Variants in ABCG8 observed in about 807,000 individuals in gnomAD.
The protein encoded by ABCG8 is ATP-binding cassette sub-family G member 8.
A neutral mutation model predicts 71.3 loss-of-function variants in ABCG8; 81 were observed. That is an observed-to-expected ratio of 1.14 (90% CI 0.95 to 1.37). ABCG8 has a LOEUF of 1.37. Among genes scored for constraint, ABCG8 ranks in the 40% most tolerant of loss-of-function variants. ABCG8 has a pLI of 0.00. For missense variants in ABCG8, 1,119 were observed against 866.2 expected, an observed-to-expected ratio of 1.29 and a Z score of -3.66; for synonymous variants, 451 against 354.7, an observed-to-expected ratio of 1.27 and a Z score of -3.05.
intron 6 of ABCG8, among the ~76,000 whole-genome samples, chr2:43,858,126 C>T (rs1669177179): frequency 6.6e-6 from 1 of 151,468 alleles, no homozygotes; most frequent in Admixed American, 6.6e-5. Flanking sequence ...GGATAGAATT[C>T]TCAACATCTA....
Position 43,878,787 on chromosome 2 carries a change from A to AC in ABCG8, c.*877dup, listed in dbSNP as rs1572872629. 1 of 152,334 alleles carries AC rather than the reference A, an allele frequency of 6.6e-6. No individual in the cohort carries two copies. Among genetic ancestry groups the AC allele is most frequent in the East Asian group, 1.9e-4 (1 of 5,184 alleles). 9.4% of individuals were successfully genotyped at this position (152,334 alleles called of 1,614,324 possible). ...TGATATGGTTTGGCTCTGCGTCCTC[A>AC]CCCAAATCTCACCTTGAATTGTAAT... On this transcript the variant is annotated 3_prime_UTR_variant, in exon 13 of 13. Transcript: ENST00000272286.
intron 6 of ABCG8, among the ~76,000 whole-genome samples, chr2:43,864,891 C>A (rs1669467230): frequency 7.3e-6 from 1 of 137,620 alleles, no homozygotes; most frequent in Non-Finnish European, 1.6e-5. Flanking sequence ...TCTCTGGATA[C>A]AACTCTCACT....
At chr2:43,845,695 G>T (rs1668721668) in intron 2 of ABCG8, among the ~76,000 whole-genome samples, 2 of 151,764 alleles carry the variant, frequency 1.3e-5, no homozygotes, top group African/African-American at 4.8e-5. Flanking sequence ...AATCTTGGCT[G>T]ACTGCAATCT....
chr2:43,875,052 G>C (rs1411655821), intron 10 of ABCG8, 94 bp from the exon 11 acceptor site: 13 of 1,562,090 alleles, frequency 8.3e-6, no homozygotes, highest in Non-Finnish European at 1.0e-5. Flanking sequence ...CAGGAGGGAA[G>C]GTTGCTATCT....
At position 43,880,157 on chromosome 2, in the gene ABCG8, T is replaced by G. The variant is rs536212408; in HGVS notation, c.*2244T>G. 4 of 148,126 alleles carry G rather than the reference T, an allele frequency of 2.7e-5. No individual in the cohort carries two copies. The highest frequency in any genetic ancestry group is 1.0e-4 in the African/African-American group (4 of 39,702). The allele number at this position is 148,126 out of a possible 1,614,324, so 9.2% of individuals were successfully genotyped here. On this transcript the variant is annotated 3_prime_UTR_variant, in exon 13 of 13. Coordinates refer to ENST00000272286, the MANE Select transcript of ABCG8 (RefSeq NM_022437.3). ...TTTGAGGGCTGAAACAACCAAGAGTTTCAGGCTCATTTTTTGTTTTGTTTT... is the reference window on the plus strand; with the variant it reads ...TTTGAGGGCTGAAACAACCAAGAGTGTCAGGCTCATTTTTTGTTTTGTTTT...
chr2:43,874,517 A>C (rs200112151), intron 10 of ABCG8, 34 bp downstream of exon 10: 8 of 1,215,416 alleles, frequency 6.6e-6, no homozygotes, highest in East Asian at 2.8e-5. Flanking sequence ...AGTGCCCCCC[A>C]CCCACCAGGG....
intron 2 of ABCG8, among the ~76,000 whole-genome samples, chr2:43,845,369 AC>A (rs1668712622): frequency 6.6e-6 from 1 of 151,996 alleles, no homozygotes; most frequent in Non-Finnish European, 1.5e-5. Context: ...TCTGCCACTT[AC>A]CAGCTGTGTG....
chr2:43,851,925 AGTTTGAACAACTC>A, intron 4 of ABCG8, 103 bp downstream of exon 4: 1 of 1,331,926 alleles, frequency 7.5e-7, no homozygotes, highest in Non-Finnish European at 1.1e-6. Context: ...CCGCAGGTCG[AGTTTGAACAACTC>A]AGCTTGCCTT....
chr2:43,866,210 A>G (rs573298799), intron 6 of ABCG8, among the ~76,000 whole-genome samples: 6,036 of 148,806 alleles, frequency 0.041, 152 homozygotes, highest in Middle Eastern at 0.11. Context: ...TGGATTAAAG[A>G]GTTAAACATT....
intron 6 of ABCG8, 145 bp from the exon 7 acceptor site, chr2:43,871,831 T>C: frequency 8.1e-7 from 1 of 1,230,134 alleles, no homozygotes; most frequent in South Asian, 1.3e-5. Context: ...GCTCTGCCCC[T>C]TGCTTCATGG....
At chr2:43,839,157 G>A in intron 1 of ABCG8, 41 bp downstream of exon 1, 1 of 1,547,652 alleles carries the variant, frequency 6.5e-7, no homozygotes, top group Non-Finnish European at 8.7e-7. Flanking sequence ...CTGGTGGGCG[G>A]GTAGGAGAAA....
At chr2:43,871,853 G>A (rs1669785780) in intron 6 of ABCG8, 123 bp from the exon 7 acceptor site, 1 of 1,392,994 alleles carries the variant, frequency 7.2e-7, no homozygotes, top group South Asian at 1.2e-5. Flanking sequence ...TGAGGGTGGG[G>A]AGAATGTCCC....
intron 6 of ABCG8, among the ~76,000 whole-genome samples, chr2:43,866,787 G>A (rs1403211716): frequency 6.6e-6 from 1 of 150,966 alleles, no homozygotes; most frequent in Non-Finnish European, 1.5e-5. Flanking sequence ...AGTCAATGTG[G>A]TGATTCCTCA....
At chr2:43,877,213 G>T (rs191250010) in intron 11 of ABCG8, among the ~76,000 whole-genome samples, 29 of 150,030 alleles carry the variant, frequency 1.9e-4, no homozygotes, top group African/African-American at 6.9e-4. Flanking sequence ...GGGAGACCAT[G>T]GGAATATGAG....
In ABCG8 at chr2:43,881,271, T is replaced by C. The variant is rs1486632217; in HGVS notation, c.*3358T>C. Reference sequence around the variant, plus strand: ...TAGCAGCTGCCATTTATTTGTGTTTTTCCTACAGCGGTGGTTCTCCACCCT... The same window carrying C: ...TAGCAGCTGCCATTTATTTGTGTTTCTCCTACAGCGGTGGTTCTCCACCCT... On this transcript the variant is annotated 3_prime_UTR_variant, in exon 13 of 13. Transcript: ENST00000272286. The C allele has an allele frequency of 6.6e-6, 1 of 152,244 alleles. No homozygotes were observed. Among genetic ancestry groups the C allele is most frequent in the African/African-American group, 2.4e-5 (1 of 41,446 alleles). The allele number at this position is 152,244 out of a possible 1,614,324, so 9.4% of individuals were successfully genotyped here.
chr2:43,875,101 G>A (rs751315919), intron 10 of ABCG8, 45 bp from the exon 11 acceptor site: 3 of 1,613,810 alleles, frequency 1.9e-6, no homozygotes, highest in South Asian at 1.1e-5. Context: ...AATAATGGCA[G>A]TGAAGGTGCT....
chr2:43,851,846 A>AC (rs759345324), intron 4 of ABCG8, 24 bp downstream of exon 4: 1 of 1,611,804 alleles, frequency 6.2e-7, no homozygotes, highest in Non-Finnish European at 8.5e-7. Flanking sequence ...CCCAGTGGTG[A>AC]CCCCCAGGTC....
chr2:43,877,987 C>T lies in ABCG8; in HGVS notation c.*74C>T. The T allele has an allele frequency of 6.2e-7, 1 of 1,602,372 alleles. No homozygotes were observed. The highest frequency in any genetic ancestry group is 8.5e-7 in the Non-Finnish European group (1 of 1,171,762). ...AACTGCACTCCCTCCTCAGGAGCCC[C>T]TTCCTGGGGACAGTGAGGACAATGA... On this transcript the variant is annotated 3_prime_UTR_variant, in exon 13 of 13. Coordinates refer to ENST00000272286, the MANE Select transcript of ABCG8 (RefSeq NM_022437.3).
Position 43,873,862 on chromosome 2 carries a change from G to A in ABCG8, c.1287G>A (p.Met429Ile). The A allele has an allele frequency of 6.2e-7, 1 of 1,614,020 alleles. No homozygotes were observed. Among genetic ancestry groups the A allele is most frequent in the East Asian group, 2.2e-5 (1 of 44,872 alleles). The stretch of plus-strand genomic sequence containing the variant: ...GGGCGGAGGCCTGTCTGATGTCAAT[G>A]ACCATCGGCTTCCTCTATTTTGGCC... ...IHGAEACLMS[M>I]TIGFLYFGHG... The change falls in exon 9 of 13, where the codon ATG (methionine) becomes ATA (isoleucine). Residue 429 changes from methionine (M) to isoleucine (I), a missense_variant. By Grantham distance (10) the Met-to-Ile change is conservative. Coordinates refer to ENST00000272286, the MANE Select transcript of ABCG8 (RefSeq NM_022437.3).
Sources: gnomAD v4.1 joint callset for allele counts (sites outside exome capture counted in the v4.1 genomes callset) on GRCh38, gnomAD v4.1.1 for gene constraint, MANE v1.5 for transcripts, NCBI Gene and HGNC (gene_info 2026-07-23, HGNC 2026-07-21) for gene names.